The following FBXL2 variants were observed in gnomAD, a reference collection of about 807,000 sequenced individuals.
FBXL2 encodes the protein F-box/LRR-repeat protein 2.
In FBXL2, 38 loss-of-function variants were observed where a neutral mutation model predicts 69.2. The observed-to-expected ratio is 0.55, with a 90% CI of 0.42 to 0.72. The LOEUF is 0.72. FBXL2 is among the 30% of genes least tolerant of loss of function. The pLI is 0.00. For synonymous variants in FBXL2, 192 were observed against 201.3 expected, an observed-to-expected ratio of 0.95 and a Z score of 0.39; for missense variants, 354 against 520.3, an observed-to-expected ratio of 0.68 and a Z score of 3.11.
chr3:33,393,128 C>T, intron 12 of FBXL2: 1 of 654,832 alleles, frequency 1.5e-6, no homozygotes, highest in Non-Finnish European at 2.4e-6. Context: ...GGCTTGTATT[C>T]CATATTATCA....
chr3:33,360,216 GTTTT>G (rs1037887724), intron 4 of FBXL2, among the ~76,000 whole-genome samples: 1 of 151,186 alleles, frequency 6.6e-6, no homozygotes, highest in Non-Finnish European at 1.5e-5. Flanking sequence ...GTATATATTG[GTTTT>G]TTTTTGTTTG....
chr3:33,372,336 C>A (rs1436189966), intron 5 of FBXL2: 4 of 152,478 alleles, frequency 2.6e-5, no homozygotes, highest in African/African-American at 4.8e-5. Flanking sequence ...CCTTGGTCTT[C>A]CTAGAATTTC....
chr3:33,279,969 G>A (rs1240466668), intron 1 of FBXL2, among the ~76,000 whole-genome samples: 1 of 152,160 alleles, frequency 6.6e-6, no homozygotes, highest in African/African-American at 2.4e-5. Flanking sequence ...GTACTGTAAT[G>A]TATAGTGTAT....
chr3:33,380,971 C>G (rs2043013808), intron 13 of FBXL2, among the ~76,000 whole-genome samples: 1 of 152,158 alleles, frequency 6.6e-6, no homozygotes, highest in East Asian at 1.9e-4. Flanking sequence ...AATAATGACA[C>G]TTACTCTGCA....
At chr3:33,378,561 CCA>C (rs1170719880) in intron 12 of FBXL2, 122 bp from the exon 13 acceptor site, 31 of 928,820 alleles carry the variant, frequency 3.3e-5, no homozygotes, top group Non-Finnish European at 5.0e-5. Context: ...GCTCCCAGCC[CCA>C]GAGTGTTTGA....
intron 1 of FBXL2, among the ~76,000 whole-genome samples, chr3:33,291,185 T>C (rs1481378602): frequency 6.6e-6 from 1 of 152,166 alleles, no homozygotes; most frequent in Non-Finnish European, 1.5e-5. Context: ...CTGACTTACC[T>C]CCCAAAGTAT....
intron 1 of FBXL2, among the ~76,000 whole-genome samples, chr3:33,279,730 A>G (rs1467413437): frequency 2.0e-5 from 3 of 152,180 alleles, no homozygotes; most frequent in East Asian, 3.9e-4. Flanking sequence ...AATAATGACA[A>G]CTAATATTTA....
chr3:33,278,371 C>G (rs1445535342), intron 1 of FBXL2: 1 of 152,198 alleles, frequency 6.6e-6, no homozygotes, highest in Non-Finnish European at 1.5e-5. Flanking sequence ...GGGACACACC[C>G]TTGGTATAGA....
intron 5 of FBXL2, among the ~76,000 whole-genome samples, chr3:33,367,050 C>G (rs928931395): frequency 9.2e-5 from 14 of 151,878 alleles, no homozygotes; most frequent in African/African-American, 3.1e-4. Flanking sequence ...GCCGTCTGCT[C>G]CTACATGTTT....
intron 2 of FBXL2, among the ~76,000 whole-genome samples, chr3:33,317,941 C>T (rs1042810707): frequency 3.3e-5 from 5 of 152,180 alleles, no homozygotes; most frequent in Admixed American, 6.5e-5. Flanking sequence ...ACTTATTTCA[C>T]AGCCATTTCT....
chr3:33,278,823 G>A (rs2033633648), intron 1 of FBXL2, among the ~76,000 whole-genome samples: 1 of 152,186 alleles, frequency 6.6e-6, no homozygotes. Flanking sequence ...TGAATTTTAT[G>A]AAGATATAAG....
chr3:33,342,711 CTTTTTT>C (rs71070130), intron 2 of FBXL2, among the ~76,000 whole-genome samples: 186 of 37,804 alleles, frequency 4.9e-3, no homozygotes, highest in Non-Finnish European at 6.7e-3. Flanking sequence ...AATATAACTT[CTTTTTT>C]TTTTTTTTTT....
At chr3:33,289,785 G>A (rs6783953) in intron 1 of FBXL2, 124,104 of 983,530 alleles carry the variant, frequency 0.13, 8,390 homozygotes, top group African/African-American at 0.22. Context: ...GCTAAGAAGG[G>A]TCCTGCTGAG....
At chr3:33,333,962 G>A (rs1399326810) in intron 2 of FBXL2, among the ~76,000 whole-genome samples, 1 of 151,846 alleles carries the variant, frequency 6.6e-6, no homozygotes, top group African/African-American at 2.4e-5. Context: ...TTTGGGTATT[G>A]AGCCAAACAC....
At chr3:33,307,407 C>G (rs1257307281) in intron 2 of FBXL2, among the ~76,000 whole-genome samples, 1 of 152,042 alleles carries the variant, frequency 6.6e-6, no homozygotes, top group African/African-American at 2.4e-5. Context: ...TTAATGGGTA[C>G]TGAAGAGAAG....
downstream of FBXL2, chr3:33,390,545 T>G (rs1559661437): frequency 1.5e-6 from 1 of 659,664 alleles, no homozygotes; most frequent in Non-Finnish European, 2.7e-6. Flanking sequence ...AAAAACTTCA[T>G]GTACACATTC....
intron 12 of FBXL2, chr3:33,396,017 CCT>C (rs1163014635): frequency 9.8e-6 from 6 of 610,258 alleles, no homozygotes; most frequent in Non-Finnish European, 1.6e-5. Context: ...AGAGCTGCCA[CCT>C]CTCATTGCTG....
chr3:33,354,263 G>A (rs1323975392), intron 2 of FBXL2, among the ~76,000 whole-genome samples: 1 of 151,566 alleles, frequency 6.6e-6, no homozygotes, highest in Non-Finnish European at 1.5e-5. Flanking sequence ...CCTGTAATCC[G>A]AGCACTTTGG....
intron 2 of FBXL2, among the ~76,000 whole-genome samples, chr3:33,329,309 T>G (rs930329366): frequency 2.6e-5 from 4 of 151,128 alleles, no homozygotes; most frequent in Admixed American, 6.6e-5. Flanking sequence ...ACTCATACAC[T>G]GTTGGTGAGA....
Sources: gnomAD v4.1 joint callset for allele counts (sites outside exome capture counted in the v4.1 genomes callset) on GRCh38, gnomAD v4.1.1 for gene constraint, MANE v1.5 for transcripts, NCBI Gene and HGNC (gene_info 2026-07-23, HGNC 2026-07-21) for gene names.